ANO6: variants seen among roughly 807,000 people sequenced by gnomAD.
ANO6 encodes anoctamin 6, also known as anoctamin-6.
A neutral mutation model predicts 117.5 loss-of-function variants in ANO6; 106 were observed. The observed-to-expected ratio is 0.90, with a 90% confidence interval of 0.77 to 1.06. The LOEUF is 1.06. Among genes scored for constraint, ANO6 ranks in the 50% least tolerant of loss-of-function variants. The pLI is 0.00. For synonymous variants in ANO6, 367 were observed against 385.1 expected (o/e 0.95, Z 0.55); for missense variants, 955 against 1,121.1 (o/e 0.85, Z 2.12).
intron 8 of ANO6, among the ~76,000 whole-genome samples, chr12:45,366,402 G>A (rs1166412212): frequency 6.6e-6 from 1 of 151,468 alleles, no homozygotes; most frequent in African/African-American, 2.4e-5. Flanking sequence ...TTTTCTACCT[G>A]GAATTGATGT....
Position 45,339,144 on chromosome 12 carries a change from C to T in ANO6, c.279+7721C>T, listed in dbSNP as rs547238812. ...ACAAAAGAATAGCTGCTTGTGTGCA[C>T]TTGTACATGCATATATGCACAGAAA... On this transcript the variant is annotated intron_variant, in intron 3 of 19. Transcript: ENST00000320560. Among the ~76,000 whole-genome samples, 10 of 152,192 alleles carry T rather than the reference C, an allele frequency of 6.6e-5. No individual in the cohort carries two copies. In the South Asian group the frequency reaches 1.5e-3, roughly 22 times the overall value.
chr12:45,284,237 C>T (rs1712591485), intron 1 of ANO6, among the ~76,000 whole-genome samples: 1 of 152,226 alleles, frequency 6.6e-6, no homozygotes, highest in Admixed American at 6.5e-5. Flanking sequence ...CCTCTCTAAG[C>T]AGCATTCCTT....
At chr12:45,408,342 AG>A (rs1942996604) in intron 15 of ANO6, among the ~76,000 whole-genome samples, 1 of 152,122 alleles carries the variant, frequency 6.6e-6, no homozygotes, top group Non-Finnish European at 1.5e-5. Context: ...CAGTTGCTTG[AG>A]GGGACAACAG....
chr12:45,296,307 T>G (rs1340073437), intron 1 of ANO6, among the ~76,000 whole-genome samples: 1 of 152,202 alleles, frequency 6.6e-6, no homozygotes, highest in African/African-American at 2.4e-5. Context: ...CCTTTGACAT[T>G]TCTTTAGTTG....
rs1476844208 is a variant in ANO6, at chr12:45,301,928, C to T, written c.71-86C>T. On this transcript the variant is annotated intron_variant, in intron 1 of 19. Transcript: ENST00000320560. ...GTCAATGTGCTACCAATGTTAATAA[C>T]CCGGTGCTGCTGATTTAAAAGTACA... 24 of 1,100,454 alleles carry T rather than the reference C, an allele frequency of 2.2e-5. No homozygotes were observed. In the Admixed American group the frequency reaches 4.1e-4, roughly 19 times the overall value. The allele number at this position is 1,100,454 out of a possible 1,614,324, so 68.2% of individuals were successfully genotyped here.
At chr12:45,359,912 A>G (rs190324321) in intron 8 of ANO6, among the ~76,000 whole-genome samples, 1 of 152,338 alleles carries the variant, frequency 6.6e-6, no homozygotes, top group Non-Finnish European at 1.5e-5. Flanking sequence ...GTATGAGGAC[A>G]ATAATATCTT....
intron 1 of ANO6, among the ~76,000 whole-genome samples, chr12:45,276,182 C>T (rs1938548530): frequency 6.6e-6 from 1 of 152,138 alleles, no homozygotes; most frequent in African/African-American, 2.4e-5. Flanking sequence ...CCTTCCTCTC[C>T]CCCCAGTACT....
chr12:45,266,007 G>A (rs996238283), intron 1 of ANO6, among the ~76,000 whole-genome samples: 4 of 152,156 alleles, frequency 2.6e-5, no homozygotes, highest in African/African-American at 9.7e-5. Flanking sequence ...CTTCTCCTTA[G>A]CTTTTATTTC....
At position 45,430,550 on chromosome 12, in the gene ANO6, G is replaced by A; in HGVS notation, c.*1239G>A. The A allele has an allele frequency of 1.0e-6, 1 of 985,426 alleles. No individual in the cohort carries two copies. The highest frequency in any genetic ancestry group is 1.2e-6 in the Non-Finnish European group (1 of 829,938). The allele number at this position is 985,426 out of a possible 1,614,324, so 61.0% of individuals were successfully genotyped here. Reference sequence around the variant, plus strand: ...TAACTGTCTGATTGTACTAGAGACAGGAGTATACCCAGCTTATTCATAATC... The same window carrying A: ...TAACTGTCTGATTGTACTAGAGACAAGAGTATACCCAGCTTATTCATAATC... On this transcript the variant is annotated 3_prime_UTR_variant, in exon 20 of 20. Coordinates refer to ENST00000320560, the MANE Select transcript of ANO6 (RefSeq NM_001025356.3).
chr12:45,433,017 T>C (rs900895440), downstream of ANO6, among the ~76,000 whole-genome samples: 13 of 152,192 alleles, frequency 8.5e-5, no homozygotes, highest in African/African-American at 2.9e-4. Flanking sequence ...TCCAGGAAAC[T>C]AAAGAATAAC....
At chr12:45,256,254 C>T (rs1937824065) in intron 1 of ANO6, among the ~76,000 whole-genome samples, 1 of 152,106 alleles carries the variant, frequency 6.6e-6, no homozygotes, top group Non-Finnish European at 1.5e-5. Context: ...GAAGAATTCA[C>T]AGTATTTTTT....
At position 45,429,355 on chromosome 12, in the gene ANO6, C is replaced by A; in HGVS notation, c.*44C>A. ...AGCACTTTAAGGAATTTAGCTTTGT[C>A]AAAATATATTAGGAATCACTAATGA... is the stretch of plus-strand genomic sequence containing the variant. On this transcript the variant is annotated 3_prime_UTR_variant, in exon 20 of 20. Transcript: ENST00000320560. 1 of 1,596,610 alleles carries A rather than the reference C, an allele frequency of 6.3e-7. No individual in the cohort carries two copies. Among genetic ancestry groups the A allele is most frequent in the South Asian group, 1.1e-5 (1 of 88,576 alleles).
intron 11 of ANO6, among the ~76,000 whole-genome samples, chr12:45,389,495 T>G (rs1174223401): frequency 6.6e-6 from 1 of 152,238 alleles, no homozygotes. Context: ...CTGCCAATTT[T>G]ATAGTTAAAA....
rs767223758 is a variant in ANO6, at chr12:45,403,190, A to G, written c.1731A>G (p.Val577=). The G allele has an allele frequency of 2.3e-5, 37 of 1,613,898 alleles. No individual in the cohort carries two copies. Among genetic ancestry groups the G allele is most frequent in the Non-Finnish European group, 2.8e-5 (33 of 1,179,944 alleles). The change falls in exon 14 of 20, where the codon GTA becomes GTG. Residue 577 remains valine, a synonymous_variant. Coordinates refer to ENST00000320560, the MANE Select transcript of ANO6 (RefSeq NM_001025356.3). ...FYIAFFKGKF[V]GYPGDPVYWL... is the part of the protein sequence containing the mutation. Reference sequence around the variant, plus strand: ...TAGCATTCTTTAAGGGCAAATTTGTAGGCTATCCAGGAGACCCAGTTTATT... The same window carrying G: ...TAGCATTCTTTAAGGGCAAATTTGTGGGCTATCCAGGAGACCCAGTTTATT...
chr12:45,292,510 A>G (rs1033930619), intron 1 of ANO6, among the ~76,000 whole-genome samples: 3 of 152,204 alleles, frequency 2.0e-5, no homozygotes, highest in Non-Finnish European at 4.4e-5. Flanking sequence ...TTAAGATGGT[A>G]AGAGAACTAA....
chr12:45,216,211 A>G lies in ANO6; in HGVS notation c.-111A>G, dbSNP rs1407232226. On this transcript the variant is annotated 5_prime_UTR_variant, in exon 1 of 20. Coordinates refer to ENST00000320560, the MANE Select transcript of ANO6 (RefSeq NM_001025356.3). Reference sequence around the variant, plus strand: ...CTGGGCTCAGCGGCCCCTGAGCCCAAGCGACACACGCCCCGCGGTCCCCGA... The same window carrying G: ...CTGGGCTCAGCGGCCCCTGAGCCCAGGCGACACACGCCCCGCGGTCCCCGA... The G allele has an allele frequency of 9.2e-6, 12 of 1,300,996 alleles. No individual in the cohort carries two copies. The highest frequency in any genetic ancestry group is 8.8e-5 in the African/African-American group (6 of 67,950). 80.6% of individuals were successfully genotyped at this position (1,300,996 alleles called of 1,614,324 possible).
intron 1 of ANO6, among the ~76,000 whole-genome samples, chr12:45,244,414 G>GA (rs1252848211): frequency 1.8e-4 from 26 of 142,718 alleles, no homozygotes; most frequent in Admixed American, 3.6e-4. Flanking sequence ...GGGGGGGGGG[G>GA]GTGGTCTGTG....
At chr12:45,432,547 G>A (rs1374110633), downstream of ANO6, among the ~76,000 whole-genome samples, 1 of 151,996 alleles carries the variant, frequency 6.6e-6, no homozygotes, top group Non-Finnish European at 1.5e-5. Context: ...AGAAAAGCTA[G>A]TTATTAAACT....
Position 45,430,220 on chromosome 12 carries a change from T to G in ANO6, c.*909T>G. The G allele has an allele frequency of 1.0e-6, 1 of 985,450 alleles. No homozygotes were observed. The highest frequency in any genetic ancestry group is 4.7e-5 in the South Asian group (1 of 21,290). The allele number at this position is 985,450 out of a possible 1,614,324, so 61.0% of individuals were successfully genotyped here. ...TATCAACATAATTGTCTGGAAAAGATAAGCCCCTCAATTTTCTACCAGTTG... is the reference window on the plus strand; with the variant it reads ...TATCAACATAATTGTCTGGAAAAGAGAAGCCCCTCAATTTTCTACCAGTTG... On this transcript the variant is annotated 3_prime_UTR_variant, in exon 20 of 20. Coordinates refer to ENST00000320560, the MANE Select transcript of ANO6 (RefSeq NM_001025356.3).
Sources: gnomAD v4.1 joint callset for allele counts (sites outside exome capture counted in the v4.1 genomes callset) on GRCh38, gnomAD v4.1.1 for gene constraint, MANE v1.5 for transcripts, NCBI Gene and HGNC (gene_info 2026-07-23, HGNC 2026-07-21) for gene names.